KLF7: variants seen among roughly 807,000 people sequenced by gnomAD.
KLF7 encodes the protein KLF transcription factor 7, also known as Krueppel-like factor 7.
Under a neutral mutation model 27.3 loss-of-function variants are expected in KLF7, and 2 were observed. The ratio of observed to expected loss-of-function variants is 0.07; its 90% CI spans 0.03 to 0.23. The LOEUF (loss-of-function observed/expected upper bound fraction) is 0.23, where lower values mean the gene tolerates loss of function less well. KLF7 is among the 10% of genes least tolerant of loss of function. KLF7 has a pLI of 1.00. For synonymous variants in KLF7, 165 were observed against 162.4 expected (o/e 1.02, Z -0.12); for missense variants, 221 against 394.1 (o/e 0.56, Z 3.72).
chr2:207,141,918 T>A (rs2077953474), intron 1 of KLF7, among the ~76,000 whole-genome samples: 1 of 152,050 alleles, frequency 6.6e-6, no homozygotes, highest in African/African-American at 2.4e-5. Flanking sequence ...GAGACCCAGC[T>A]GAAGGAAATA....
chr2:207,166,661 G>T (rs889969769), upstream of KLF7: 3 of 341,096 alleles, frequency 8.8e-6, no homozygotes, highest in African/African-American at 4.5e-5. Context: ...GCCGCCGAGG[G>T]CGCGGAGCGG....
chr2:207,110,183 A>G (rs2076995240), intron 2 of KLF7: 1 of 154,716 alleles, frequency 6.5e-6, no homozygotes, highest in Non-Finnish European at 1.5e-5. Context: ...AAGGCAATTT[A>G]AATCCTTTTA....
chr2:207,084,236 G>C (rs2076337746), intron 3 of KLF7, among the ~76,000 whole-genome samples: 1 of 152,140 alleles, frequency 6.6e-6, no homozygotes, highest in African/African-American at 2.4e-5. Flanking sequence ...AAGGAGTGAA[G>C]AGAGGGCCTG....
At chr2:207,098,617 G>A (rs2076684966) in intron 2 of KLF7, among the ~76,000 whole-genome samples, 1 of 81,294 alleles carries the variant, frequency 1.2e-5, no homozygotes, top group South Asian at 3.3e-4. Flanking sequence ...CAATGACCAA[G>A]CTATTATTAT....
intron 2 of KLF7, among the ~76,000 whole-genome samples, chr2:207,122,490 A>G (rs2077365212): frequency 6.6e-6 from 1 of 152,158 alleles, no homozygotes; most frequent in Non-Finnish European, 1.5e-5. Flanking sequence ...CTACACAAAA[A>G]CAGTTCATGG....
intron 2 of KLF7, chr2:207,110,094 C>T (rs2244923): frequency 0.79 from 122,252 of 154,868 alleles, 48,763 homozygotes; most frequent in Non-Finnish European, 0.83. Flanking sequence ...TTTCTATGCA[C>T]GTGAATGTAG....
chr2:207,123,134 C>A (rs1197927554), intron 2 of KLF7, among the ~76,000 whole-genome samples: 1 of 152,098 alleles, frequency 6.6e-6, no homozygotes, highest in African/African-American at 2.4e-5. Context: ...CTCCCCCACC[C>A]GCTCTTGCCA....
At chr2:207,148,891 G>A (rs1029551113) in intron 1 of KLF7, 8 of 443,008 alleles carry the variant, frequency 1.8e-5, no homozygotes, top group African/African-American at 1.3e-4. Flanking sequence ...TGCTTTGGGG[G>A]CAGGGATCTC....
At chr2:207,165,390 C>T in intron 1 of KLF7, 77 bp downstream of exon 1, 5 of 1,598,510 alleles carry the variant, frequency 3.1e-6, no homozygotes, top group South Asian at 1.1e-5. Flanking sequence ...AAAATTTCAA[C>T]CCAGAGCCCA....
intron 1 of KLF7, among the ~76,000 whole-genome samples, chr2:207,164,845 G>A (rs979062585): frequency 6.6e-6 from 1 of 152,166 alleles, no homozygotes; most frequent in African/African-American, 2.4e-5. Flanking sequence ...ACAATTCATT[G>A]TCAGCCTCAG....
intron 1 of KLF7, chr2:207,133,994 C>G: frequency 8.4e-7 from 1 of 1,186,924 alleles, no homozygotes; most frequent in South Asian, 1.4e-5. Flanking sequence ...TTATGCACCC[C>G]CACCCGCTCC....
chr2:207,113,451 A>G (rs2077089108), intron 2 of KLF7, among the ~76,000 whole-genome samples: 1 of 152,108 alleles, frequency 6.6e-6, no homozygotes, highest in South Asian at 2.1e-4. Flanking sequence ...ATGCTCCATT[A>G]ATTGCCAGCA....
At chr2:207,135,489 A>C (rs148519962) in intron 1 of KLF7, among the ~76,000 whole-genome samples, 1 of 152,298 alleles carries the variant, frequency 6.6e-6, no homozygotes, top group East Asian at 1.9e-4. Context: ...ACAACATCTA[A>C]AACGTAAACT....
upstream of KLF7, chr2:207,167,014 T>G: frequency 9.8e-6 from 8 of 820,100 alleles, no homozygotes; most frequent in Admixed American, 9.8e-5. Flanking sequence ...GTCCGGCGGC[T>G]AGAGTTGATT....
intron 1 of KLF7, among the ~76,000 whole-genome samples, chr2:207,137,691 A>G (rs77111899): frequency 0.08 from 12,171 of 152,218 alleles, 864 homozygotes; most frequent in African/African-American, 0.18. Context: ...GTGCATTCAC[A>G]TGTGCATAGT....
chr2:207,167,765 G>C (rs932560093), upstream of KLF7, among the ~76,000 whole-genome samples: 6 of 152,188 alleles, frequency 3.9e-5, no homozygotes, highest in African/African-American at 1.4e-4. Context: ...GTCAGAACTT[G>C]TATCTACCCA....
intron 2 of KLF7, among the ~76,000 whole-genome samples, chr2:207,117,230 A>G (rs1193578429): frequency 6.6e-6 from 1 of 152,224 alleles, no homozygotes; most frequent in Non-Finnish European, 1.5e-5. Flanking sequence ...GCTTCCCAAT[A>G]TATGTTTACA....
intron 2 of KLF7, among the ~76,000 whole-genome samples, chr2:207,106,219 G>T (rs2076880057): frequency 6.6e-6 from 1 of 152,110 alleles, no homozygotes; most frequent in South Asian, 2.1e-4. Flanking sequence ...TTTTAAACGG[G>T]GGCATAACAT....
chr2:207,172,307 T>C, the KLF7 span, among the ~76,000 whole-genome samples: 3 of 152,174 alleles, frequency 2.0e-5, no homozygotes, highest in African/African-American at 7.2e-5. Context: ...AAGTTTCCAG[T>C]TTATTAACTT....
Sources: gnomAD v4.1 joint callset for allele counts (sites outside exome capture counted in the v4.1 genomes callset) on GRCh38, gnomAD v4.1.1 for gene constraint, MANE v1.5 for transcripts, NCBI Gene and HGNC (gene_info 2026-07-23, HGNC 2026-07-21) for gene names.